YTHDC2: variants seen among roughly 807,000 people sequenced by gnomAD.
YTHDC2 encodes 3'-5' RNA helicase YTHDC2.
Under a neutral mutation model 174.9 loss-of-function variants are expected in YTHDC2, and 45 were observed. The observed-to-expected ratio is 0.26, with a 90% CI of 0.20 to 0.33. YTHDC2 has a LOEUF of 0.33. Ranked by LOEUF, YTHDC2 falls within the 10% of genes least tolerant of loss-of-function variation. The pLI is 1.00. For synonymous variants in YTHDC2, 657 were observed against 574.5 expected, an observed-to-expected ratio of 1.14 and a Z score of -2.05; for missense variants, 1,650 against 1,723.7, an observed-to-expected ratio of 0.96 and a Z score of 0.76.
intron 26 of YTHDC2, among the ~76,000 whole-genome samples, chr5:113,588,597 C>T (rs1346409491): frequency 1.3e-5 from 2 of 148,718 alleles, no homozygotes; most frequent in Admixed American, 1.4e-4. Context: ...CTTATGAAGC[C>T]ATTTATTTAT....
At chr5:113,591,370 T>G in intron 27 of YTHDC2, 126 bp downstream of exon 27, 1 of 924,466 alleles carries the variant, frequency 1.1e-6, no homozygotes. Context: ...TGACTGAGAA[T>G]AAGGGATATA....
chr5:113,576,929 C>T (rs926577653), intron 23 of YTHDC2, among the ~76,000 whole-genome samples: 3 of 151,922 alleles, frequency 2.0e-5, no homozygotes, highest in East Asian at 1.9e-4. Context: ...AAATTTCATC[C>T]CTCCATTGAT....
intron 23 of YTHDC2, among the ~76,000 whole-genome samples, chr5:113,573,498 G>C (rs959301107): frequency 2.0e-5 from 3 of 152,104 alleles, no homozygotes; most frequent in African/African-American, 7.2e-5. Flanking sequence ...TGGATTTCCT[G>C]AATTTGAATG....
At chr5:113,584,731 T>C (rs1484848126) in intron 26 of YTHDC2, among the ~76,000 whole-genome samples, 1 of 151,618 alleles carries the variant, frequency 6.6e-6, no homozygotes, top group Non-Finnish European at 1.5e-5. Context: ...TACTGGCATG[T>C]AGGTAGGCTG....
In YTHDC2 at chr5:113,513,724, C is replaced by G. The variant is rs1773173361; in HGVS notation, c.-172C>G. ...TCGCCTGGCCGTGATATCAATGGCG[C>G]AGGCTTCACTTCTGCTGTGGCGGTG... On this transcript the variant is annotated 5_prime_UTR_variant, in exon 1 of 30. Transcript: ENST00000161863. 1.5e-6 allele frequency: 1 copy of G among 687,642 alleles called. No individual in the cohort carries two copies. Among genetic ancestry groups the G allele is most frequent in the Admixed American group, 3.8e-5 (1 of 26,310 alleles). The allele number at this position is 687,642 out of a possible 1,614,324, so 42.6% of individuals were successfully genotyped here.
intron 26 of YTHDC2, 139 bp downstream of exon 26, chr5:113,584,618 A>T (rs748199497): frequency 6.5e-5 from 46 of 702,542 alleles, no homozygotes; most frequent in Non-Finnish European, 9.6e-5. Flanking sequence ...AGCAAACTTG[A>T]TACAGTTTGA....
chr5:113,561,754 A>C (rs1776991034), intron 18 of YTHDC2, among the ~76,000 whole-genome samples: 1 of 152,130 alleles, frequency 6.6e-6, no homozygotes, highest in South Asian at 2.1e-4. Flanking sequence ...GGTGTGAGCC[A>C]CCGCACCCAG....
At chr5:113,546,723 G>C (rs1479107219) in intron 10 of YTHDC2, among the ~76,000 whole-genome samples, 1 of 152,220 alleles carries the variant, frequency 6.6e-6, no homozygotes, top group Non-Finnish European at 1.5e-5. Flanking sequence ...TTAGCTGAGT[G>C]GTCTGGCTCC....
At chr5:113,542,055 G>T (rs1172023716) in intron 9 of YTHDC2, among the ~76,000 whole-genome samples, 1 of 152,144 alleles carries the variant, frequency 6.6e-6, no homozygotes, top group East Asian at 1.9e-4. Context: ...TTCCCTTGAT[G>T]TGCAGTTGGG....
rs184455364 is a variant in YTHDC2 at position 113,537,432 on chromosome 5, C to A, written c.1102+1634C>A. Among the ~76,000 whole-genome samples, 796 of 149,988 alleles carry A rather than the reference C, an allele frequency of 5.3e-3. 10 individuals are homozygous for A. Among genetic ancestry groups the A allele is most frequent in the Non-Finnish European group, 4.4e-3 (299 of 67,714 alleles). On this transcript the variant is annotated intron_variant, in intron 7 of 29. Transcript: ENST00000161863. Reference sequence around the variant, plus strand: ...TTGATAACATTGCTGCTTGCTAAACCTCATTCTTCATTATATCCCATGCTT... The same window carrying A: ...TTGATAACATTGCTGCTTGCTAAACATCATTCTTCATTATATCCCATGCTT...
At chr5:113,562,462 T>C (rs1397654595) in intron 18 of YTHDC2, among the ~76,000 whole-genome samples, 1 of 151,870 alleles carries the variant, frequency 6.6e-6, no homozygotes, top group East Asian at 1.9e-4. Context: ...ATTTCCCACT[T>C]CCCAATGCTT....
intron 25 of YTHDC2, chr5:113,582,857 C>G (rs1778478203): frequency 1.3e-5 from 2 of 152,108 alleles, no homozygotes; most frequent in African/African-American, 4.8e-5. Flanking sequence ...TAACCAGTTT[C>G]CAAGGAAAGC....
At chr5:113,570,540 GTTGCTT>G (rs1350162655) in intron 23 of YTHDC2, among the ~76,000 whole-genome samples, 2 of 152,158 alleles carry the variant, frequency 1.3e-5, no homozygotes, top group Non-Finnish European at 2.9e-5. Flanking sequence ...CTTTGCTGAA[GTTGCTT>G]ATCAGCTTAA....
chr5:113,514,880 C>G (rs1227644480), intron 1 of YTHDC2, among the ~76,000 whole-genome samples: 1 of 152,150 alleles, frequency 6.6e-6, no homozygotes, highest in African/African-American at 2.4e-5. Flanking sequence ...TTGAACATAT[C>G]TCATCATTGA....
chr5:113,543,114 T>C (rs938636680), intron 10 of YTHDC2, among the ~76,000 whole-genome samples: 1 of 152,180 alleles, frequency 6.6e-6, no homozygotes, highest in Non-Finnish European at 1.5e-5. Context: ...TTGCTTTAAA[T>C]ATCTATTTTA....
At chr5:113,546,382 G>A (rs1444029182) in intron 10 of YTHDC2, among the ~76,000 whole-genome samples, 2 of 152,154 alleles carry the variant, frequency 1.3e-5, no homozygotes, top group South Asian at 2.1e-4. Context: ...GTATTCTAAT[G>A]TTTTAAGCCA....
Position 113,564,114 on chromosome 5 carries a change from C to T in YTHDC2, c.2698C>T (p.Leu900Phe). The T allele has an allele frequency of 6.2e-7, 1 of 1,613,758 alleles. No homozygotes were observed. Among genetic ancestry groups the T allele is most frequent in the Non-Finnish European group, 8.5e-7 (1 of 1,179,792 alleles). ...AGGAGCTTTCAGTGACCATATGGCA[C>T]TTCTCAGAGCATTCCAGGTACTATT... ...TAGAFSDHMA[L>F]LRAFQAWQKA... Residue 900 changes from leucine to phenylalanine, a missense_variant, in exon 20 of 30, where the codon CTT (leucine) becomes TTT (phenylalanine). This residue lies in a region of YTHDC2 where 913 missense variants were observed against 940.4 expected (regional missense o/e 0.97). Coordinates refer to ENST00000161863, the MANE Select transcript of YTHDC2 (RefSeq NM_022828.5).
chr5:113,561,957 G>GTGTGTGTGTGT (rs1554099024), intron 18 of YTHDC2, among the ~76,000 whole-genome samples: 6 of 134,872 alleles, frequency 4.4e-5, no homozygotes, highest in African/African-American at 1.1e-4. Context: ...ATTAATTGTG[G>GTGTGTGTGTGT]GTGTGTGTGT....
Position 113,556,082 on chromosome 5 carries a change from A to G in YTHDC2, c.2164A>G (p.Met722Val). The change falls in exon 17 of 30, where the codon ATG (methionine) becomes GTG (valine). Residue 722 changes from methionine (M) to valine (V), a missense_variant. Around this residue, in one of 5 missense-constraint regions of YTHDC2, gnomAD observed 913 missense variants for 940.4 expected, o/e 0.97. Transcript: ENST00000161863. ...KSFDALNFVT[M>V]LKMVWISKAS... ...CTTTGATGCTCTGAATTTTGTTACA[A>G]TGTTAAAAATGGTATGGATTTCCAA... 4 of 1,608,880 alleles carry G rather than the reference A, an allele frequency of 2.5e-6. No homozygotes were observed. Among genetic ancestry groups the G allele is most frequent in the South Asian group, 1.1e-5 (1 of 90,596 alleles).
Sources: gnomAD v4.1 joint callset for allele counts (sites outside exome capture counted in the v4.1 genomes callset) on GRCh38, gnomAD v4.1.1 for gene constraint, gnomAD v4.1.1 regional missense constraint, MANE v1.5 for transcripts, NCBI Gene and HGNC (gene_info 2026-07-23, HGNC 2026-07-21) for gene names.